INPP4B: variants seen among roughly 807,000 people sequenced by gnomAD.
INPP4B encodes inositol polyphosphate-4-phosphatase type II B, also known as inositol polyphosphate 4-phosphatase type II.
INPP4B carries 55 observed loss-of-function variants against 122.5 expected under a neutral mutation model. The observed-to-expected ratio is 0.45, with a 90% CI of 0.36 to 0.56. The LOEUF (loss-of-function observed/expected upper bound fraction) is 0.56, where lower values mean the gene tolerates loss of function less well. INPP4B is among the 20% of genes least tolerant of loss of function. INPP4B has a pLI of 0.00. For synonymous variants in INPP4B, 403 were observed against 388.7 expected (o/e 1.04, Z -0.43); for missense variants, 1,000 against 1,097.7 (o/e 0.91, Z 1.26).
At chr4:142,219,482 T>G (rs2149681044) in intron 12 of INPP4B, among the ~76,000 whole-genome samples, 1 of 152,330 alleles carries the variant, frequency 6.6e-6, no homozygotes. Context: ...CATTTATTTT[T>G]TAGTATTTTA....
chr4:142,119,794 TATAC>T (rs1259096123), intron 21 of INPP4B, among the ~76,000 whole-genome samples: 23 of 18,210 alleles, frequency 1.3e-3, no homozygotes, highest in South Asian at 0.036. Flanking sequence ...TTAAAGTATA[TATAC>T]ACACACACAC....
chr4:142,661,525 T>C (rs1456769119), intron 2 of INPP4B, among the ~76,000 whole-genome samples: 2 of 152,202 alleles, frequency 1.3e-5, no homozygotes, highest in Non-Finnish European at 2.9e-5. Flanking sequence ...CAGTAGTAGG[T>C]AATGTTTGAG....
intron 25 of INPP4B, among the ~76,000 whole-genome samples, chr4:142,080,506 C>T (rs1773349774): frequency 6.6e-6 from 1 of 152,030 alleles, no homozygotes; most frequent in African/African-American, 2.4e-5. Context: ...TTTCTAGTGC[C>T]TTACCTTAAA....
At chr4:142,190,210 T>TA (rs1554001361) in intron 15 of INPP4B, among the ~76,000 whole-genome samples, 4,496 of 43,972 alleles carry the variant, frequency 0.1, 213 homozygotes, top group African/African-American at 0.15. Flanking sequence ...TATTTTTGTT[T>TA]TTTTTTTTTT....
chr4:142,631,695 G>A (rs190811744), intron 2 of INPP4B, among the ~76,000 whole-genome samples: 1 of 152,186 alleles, frequency 6.6e-6, no homozygotes, highest in African/African-American at 2.4e-5. Flanking sequence ...AGGTAGAAAA[G>A]AGAGGATTAA....
At chr4:142,582,633 A>G (rs1735350232) in intron 2 of INPP4B, among the ~76,000 whole-genome samples, 2 of 152,154 alleles carry the variant, frequency 1.3e-5, no homozygotes, top group Non-Finnish European at 2.9e-5. Flanking sequence ...CAAAGAGGAA[A>G]GGAGGTCTTT....
At chr4:142,030,066 T>C (rs1738823788) in intron 25 of INPP4B, 1 of 1,434,516 alleles carries the variant, frequency 7.0e-7, no homozygotes, top group South Asian at 1.5e-5. Flanking sequence ...ATTACAGCAT[T>C]GTCCCCATAA....
At chr4:142,550,822 C>A (rs921307531) in intron 2 of INPP4B, among the ~76,000 whole-genome samples, 1 of 151,930 alleles carries the variant, frequency 6.6e-6, no homozygotes, top group Non-Finnish European at 1.5e-5. Context: ...AATAAATTAT[C>A]TGGGTAATTA....
At chr4:142,309,213 G>A (rs1054976249) in intron 8 of INPP4B, among the ~76,000 whole-genome samples, 4 of 152,032 alleles carry the variant, frequency 2.6e-5, no homozygotes, top group Non-Finnish European at 5.9e-5. Flanking sequence ...AGTATCTAAT[G>A]TGCAGCTTAA....
At chr4:142,700,181 G>A (rs1761538820) in intron 2 of INPP4B, among the ~76,000 whole-genome samples, 1 of 151,894 alleles carries the variant, frequency 6.6e-6, no homozygotes, top group African/African-American at 2.4e-5. Context: ...GTCTGATGAT[G>A]CCAAGTAGTA....
intron 2 of INPP4B, among the ~76,000 whole-genome samples, chr4:142,615,887 A>G (rs1743584313): frequency 5.9e-5 from 9 of 152,094 alleles, no homozygotes; most frequent in Admixed American, 5.9e-4. Context: ...CAGAAAATAA[A>G]CTGACAAAAG....
chr4:142,657,156 C>T (rs1754314366), intron 2 of INPP4B, among the ~76,000 whole-genome samples: 1 of 151,572 alleles, frequency 6.6e-6, no homozygotes, highest in African/African-American at 2.4e-5. Flanking sequence ...AAAAAGAGCT[C>T]TAATTAATTT....
At chr4:142,305,776 A>G (rs1297340045) in intron 8 of INPP4B, 2 of 1,321,712 alleles carry the variant, frequency 1.5e-6, no homozygotes, top group Admixed American at 6.9e-5. Context: ...AGAAAATAAC[A>G]AGAGGTAAAA....
chr4:142,702,622 C>T (rs966121267), intron 2 of INPP4B, among the ~76,000 whole-genome samples: 14 of 148,748 alleles, frequency 9.4e-5, no homozygotes, highest in African/African-American at 2.7e-4. Context: ...CCCAGCTACT[C>T]GGGAGGCTGA....
At chr4:142,610,904 G>A (rs1030243619) in intron 2 of INPP4B, among the ~76,000 whole-genome samples, 1 of 152,134 alleles carries the variant, frequency 6.6e-6, no homozygotes, top group Non-Finnish European at 1.5e-5. Context: ...TTTTGATGCT[G>A]AAACCTTAGT....
At chr4:142,220,510 A>T (rs541239339) in intron 12 of INPP4B, among the ~76,000 whole-genome samples, 24 of 152,332 alleles carry the variant, frequency 1.6e-4, no homozygotes, top group Admixed American at 9.2e-4. Context: ...ATAACAATTC[A>T]TTGAAATAGG....
intron 1 of INPP4B, among the ~76,000 whole-genome samples, chr4:142,782,939 G>T (rs200507668): frequency 0.022 from 3,416 of 152,168 alleles, 49 homozygotes; most frequent in Middle Eastern, 0.086. Flanking sequence ...AATAAATGGT[G>T]CTGGGAAAAC....
chr4:142,416,209 G>T (rs1023446858), intron 5 of INPP4B, among the ~76,000 whole-genome samples: 1 of 152,100 alleles, frequency 6.6e-6, no homozygotes, highest in African/African-American at 2.4e-5. Flanking sequence ...AAAGAAAATA[G>T]GGGCCTGGAA....
chr4:142,516,930 A>G lies in INPP4B; in HGVS notation c.-190-54204T>C, dbSNP rs2149896556. 2.6e-5 allele frequency among the ~76,000 whole-genome samples: 4 copies of G among 152,182 alleles called. 1 individual carries two copies. The highest frequency in any genetic ancestry group is 9.6e-5 in the African/African-American group (4 of 41,540). ...AACAGCTCGCTACTGTTACACTCAC[A>G]GAGGCATTGCACCACGGTCTATTAT... On this transcript the variant is annotated intron_variant, in intron 2 of 25. Coordinates refer to ENST00000262992, the MANE Select transcript of INPP4B (RefSeq NM_001101669.3).
Sources: allele counts gnomAD v4.1 joint callset (sites outside exome capture counted in the v4.1 genomes callset), GRCh38; gene constraint gnomAD v4.1.1; transcripts MANE v1.5; gene names NCBI Gene and HGNC (gene_info 2026-07-23, HGNC 2026-07-21).